The following TMOD1 variants were observed in gnomAD, a reference collection of about 807,000 sequenced individuals.
TMOD1 encodes the protein tropomodulin-1.
TMOD1 carries 17 observed loss-of-function variants against 40.6 expected under a neutral mutation model. The ratio of observed to expected loss-of-function variants is 0.42; its 90% CI spans 0.29 to 0.63. The LOEUF is 0.63. Ranked by LOEUF, TMOD1 falls within the 20% of genes least tolerant of loss-of-function variation. The pLI is 0.22. For missense variants in TMOD1, 391 were observed against 447.6 expected (o/e 0.87, Z 1.14); for synonymous variants, 181 against 175.0 (o/e 1.03, Z -0.27).
intron 6 of TMOD1, 84 bp from the exon 7 acceptor site, chr9:97,565,764 G>A (rs1262370662): frequency 1.8e-6 from 2 of 1,096,422 alleles, no homozygotes; most frequent in Admixed American, 1.9e-5. Context: ...CCAGGAATCA[G>A]AGAGTAGCCA....
intron 1 of TMOD1, chr9:97,512,911 C>T (rs1587912169): frequency 6.6e-6 from 1 of 152,104 alleles, no homozygotes; most frequent in Non-Finnish European, 1.5e-5. Flanking sequence ...GAGTTGTATA[C>T]TTAAGCCTTG....
intron 1 of TMOD1, among the ~76,000 whole-genome samples, chr9:97,507,947 A>G (rs1467062372): frequency 6.6e-6 from 1 of 152,106 alleles, no homozygotes; most frequent in Admixed American, 6.5e-5. Context: ...AGTCTGCACA[A>G]GGCCAGGGAA....
intron 2 of TMOD1, among the ~76,000 whole-genome samples, chr9:97,544,618 A>G (rs1192083016): frequency 2.6e-5 from 4 of 152,150 alleles, no homozygotes; most frequent in Admixed American, 1.3e-4. Context: ...TGTGCCAGGC[A>G]TACAGTGATC....
intron 8 of TMOD1, among the ~76,000 whole-genome samples, chr9:97,570,303 T>C (rs1830799129): frequency 6.6e-6 from 1 of 152,202 alleles, no homozygotes; most frequent in Non-Finnish European, 1.5e-5. Context: ...TCATGGAATG[T>C]CCTCCCCTGC....
intron 9 of TMOD1, 69 bp from the exon 10 acceptor site, chr9:97,599,565 C>T (rs1826204530): frequency 2.5e-6 from 4 of 1,603,308 alleles, no homozygotes; most frequent in Non-Finnish European, 2.6e-6. Flanking sequence ...ACAGTGCTTT[C>T]TCAGCAACAG....
At chr9:97,592,450 T>C (rs1367743061) in intron 9 of TMOD1, among the ~76,000 whole-genome samples, 1 of 151,686 alleles carries the variant, frequency 6.6e-6, no homozygotes, top group Non-Finnish European at 1.5e-5. Context: ...AAGAAAAGCC[T>C]CTTTCTGGGA....
intron 4 of TMOD1, chr9:97,555,470 C>G (rs1830522397): frequency 1.4e-6 from 2 of 1,433,036 alleles, no homozygotes; most frequent in African/African-American, 1.4e-5. Flanking sequence ...TGCTACGTTT[C>G]TGTGTGGCTT....
intron 4 of TMOD1, among the ~76,000 whole-genome samples, chr9:97,554,151 A>G (rs1195666809): frequency 5.2e-5 from 7 of 133,460 alleles, no homozygotes; most frequent in African/African-American, 1.9e-4. Context: ...GCAGGCTTGG[A>G]GACTGCTAAT....
chr9:97,549,967 G>A (rs1394595836), intron 3 of TMOD1, among the ~76,000 whole-genome samples: 1 of 152,128 alleles, frequency 6.6e-6, no homozygotes, highest in East Asian at 1.9e-4. Flanking sequence ...ACAACATTGT[G>A]CAACCACCAC....
chr9:97,601,380 G>A lies in TMOD1; in HGVS notation c.*1682G>A, dbSNP rs1414213551. The A allele has an allele frequency of 1.9e-6, 2 of 1,063,350 alleles. No individual in the cohort carries two copies. Among genetic ancestry groups the A allele is most frequent in the Admixed American group, 5.4e-5 (1 of 18,400 alleles). The allele number at this position is 1,063,350 out of a possible 1,614,324, so 65.9% of individuals were successfully genotyped here. On this transcript the variant is annotated 3_prime_UTR_variant, in exon 10 of 10. Coordinates refer to ENST00000259365, the MANE Select transcript of TMOD1 (RefSeq NM_003275.4). Reference sequence around the variant, plus strand: ...AGTAAGAATGTGTCATGTATTCCAGGTGCTGATCTAAAAACTGTGGCTCAA... The same window carrying A: ...AGTAAGAATGTGTCATGTATTCCAGATGCTGATCTAAAAACTGTGGCTCAA...
At chr9:97,555,419 G>T (rs144304273) in intron 4 of TMOD1, 65 of 1,379,392 alleles carry the variant, frequency 4.7e-5, no homozygotes, top group Middle Eastern at 2.7e-4. Flanking sequence ...AATGACTGCC[G>T]GCGCCTGCGG....
At chr9:97,551,598 T>C (rs1830455907) in intron 3 of TMOD1, among the ~76,000 whole-genome samples, 1 of 152,184 alleles carries the variant, frequency 6.6e-6, no homozygotes, top group Non-Finnish European at 1.5e-5. Context: ...CTGTTTAGCT[T>C]TTTAGTAAGT....
chr9:97,508,056 TTCACACACACACACACAC>T lies in TMOD1; in HGVS notation c.-49+6254_-49+6271del, dbSNP rs1279952598. Among the ~76,000 whole-genome samples, 744 of 96,122 alleles carry T rather than the reference TTCACACACACACACACAC, an allele frequency of 7.7e-3. 4 individuals are homozygous for T. The highest frequency in any genetic ancestry group is 0.03 in the African/African-American group (718 of 23,852). The allele number at this position is 96,122 out of a possible 152,430, so 63.1% of individuals were successfully genotyped here. A position where few individuals can be genotyped will look rare whatever the true frequency, so the allele number is the denominator to read the frequency against. ...AATGAAACACAATCTATCTTCCTGATTCACACACACACACACACACACACACACACACACACACACACA... is the reference window on the plus strand; with the variant it reads ...AATGAAACACAATCTATCTTCCTGATACACACACACACACACACACACACA... On this transcript the variant is annotated intron_variant, in intron 1 of 9. Transcript: ENST00000259365.
At chr9:97,565,984 T>G in intron 7 of TMOD1, 29 bp downstream of exon 7, 9 of 1,592,536 alleles carry the variant, frequency 5.7e-6, no homozygotes, top group Non-Finnish European at 7.8e-6. Flanking sequence ...TGTTGCATTG[T>G]GGCTGGGGGC....
intron 2 of TMOD1, among the ~76,000 whole-genome samples, chr9:97,539,759 G>T (rs542794591): frequency 5.9e-5 from 9 of 152,234 alleles, no homozygotes; most frequent in African/African-American, 2.2e-4. Flanking sequence ...GAGGTCAGGA[G>T]ATCGAGACCA....
chr9:97,531,034 C>CCCCCCCCCCCCCCCCCCCCCCCT (rs1830093668), intron 2 of TMOD1, among the ~76,000 whole-genome samples: 1 of 76,396 alleles, frequency 1.3e-5, no homozygotes, highest in Non-Finnish European at 2.7e-5. Flanking sequence ...GTGATCCACA[C>CCCCCCCCCCCCCCCCCCCCCCCT]CCACCCCCCC....
intron 2 of TMOD1, among the ~76,000 whole-genome samples, chr9:97,531,093 T>C (rs903239366): frequency 2.5e-4 from 32 of 129,400 alleles, no homozygotes; most frequent in African/African-American, 9.3e-4. Context: ...TGTGATCCAC[T>C]GCACCTGGCC....
At chr9:97,552,086 T>G (rs1830463183) in intron 3 of TMOD1, among the ~76,000 whole-genome samples, 1 of 152,200 alleles carries the variant, frequency 6.6e-6, no homozygotes, top group Non-Finnish European at 1.5e-5. Flanking sequence ...GTGTGGAAAT[T>G]CAGGGTTTTC....
At chr9:97,520,538 G>A (rs1479004379) in intron 1 of TMOD1, among the ~76,000 whole-genome samples, 3 of 152,178 alleles carry the variant, frequency 2.0e-5, no homozygotes, top group African/African-American at 7.2e-5. Flanking sequence ...GTCGATGAGT[G>A]TGGCTTGAAA....
Sources: gnomAD v4.1 joint callset for allele counts (sites outside exome capture counted in the v4.1 genomes callset) on GRCh38, gnomAD v4.1.1 for gene constraint, MANE v1.5 for transcripts, NCBI Gene and HGNC (gene_info 2026-07-23, HGNC 2026-07-21) for gene names.